Variants in PIGN observed in about 807,000 individuals in gnomAD.
The protein encoded by PIGN is GPI ethanolamine phosphate transferase 1.
In PIGN, 117 loss-of-function variants were observed where a neutral mutation model predicts 125.4. The observed-to-expected ratio is 0.93, with a 90% CI of 0.80 to 1.09. The LOEUF is 1.09. PIGN is among the 50% of genes least tolerant of loss of function. PIGN has a pLI of 0.00. For missense variants in PIGN, 1,075 were observed against 1,094.9 expected (o/e 0.98, Z 0.26); for synonymous variants, 392 against 377.8 (o/e 1.04, Z -0.44).
intron 23 of PIGN, among the ~76,000 whole-genome samples, chr18:62,029,940 C>T (rs957916043): frequency 6.6e-6 from 1 of 152,144 alleles, no homozygotes; most frequent in Admixed American, 6.5e-5. Flanking sequence ...AGCCTCTCGC[C>T]ACACAAGCTC....
intron 23 of PIGN, among the ~76,000 whole-genome samples, chr18:62,021,044 C>G (rs474214): frequency 6.6e-6 from 1 of 151,478 alleles, no homozygotes; most frequent in African/African-American, 2.4e-5. Flanking sequence ...CATATTCTTT[C>G]GGGGTGAATA....
At chr18:62,070,824 T>C (rs1324221492) in intron 30 of PIGN, among the ~76,000 whole-genome samples, 2 of 152,090 alleles carry the variant, frequency 1.3e-5, no homozygotes, top group East Asian at 1.9e-4. Flanking sequence ...TTTTTTTTGA[T>C]ATGGGATATC....
At chr18:62,038,077 A>G (rs986904916), downstream of PIGN, among the ~76,000 whole-genome samples, 7 of 152,206 alleles carry the variant, frequency 4.6e-5, no homozygotes, top group East Asian at 1.2e-3. Context: ...TTTTTACTAC[A>G]TAATACCAAA....
chr18:62,102,408 A>T (rs1256817136), intron 21 of PIGN, among the ~76,000 whole-genome samples: 4 of 150,596 alleles, frequency 2.7e-5, no homozygotes, highest in African/African-American at 9.8e-5. Context: ...TGGGACATTA[A>T]CTGAAGTCTT....
intron 23 of PIGN, among the ~76,000 whole-genome samples, chr18:62,093,997 T>C (rs2034074999): frequency 6.6e-6 from 1 of 152,138 alleles, no homozygotes; most frequent in Admixed American, 6.6e-5. Flanking sequence ...AACAAGGTTA[T>C]ATAGTGCCTT....
chr18:62,157,956 A>C, intron 4 of PIGN, 148 bp from the exon 5 acceptor site: 1 of 674,328 alleles, frequency 1.5e-6, no homozygotes, highest in Non-Finnish European at 2.4e-6. Flanking sequence ...TTCAAATTCC[A>C]GGTGAGCCCA....
At chr18:62,072,473 A>G in intron 30 of PIGN, 200 bp downstream of exon 30, 1 of 423,334 alleles carries the variant, frequency 2.4e-6, no homozygotes, top group South Asian at 7.1e-5. Flanking sequence ...TGCCTACAGT[A>G]TTCAGTATGA....
rs1568128534 is a variant in PIGN, at chr18:62,060,424, C to CT, written c.2672+12248_2672+12249insA. 1.5e-4 allele frequency among the ~76,000 whole-genome samples: 23 copies of CT among 152,088 alleles called. 1 individual carries two copies. The highest frequency in any genetic ancestry group is 4.8e-4 in the African/African-American group (20 of 41,468). The stretch of plus-strand genomic sequence containing the variant: ...ATTTCTCCTCTATAAGGGTGATGGG[C>CT]GATAGAAGCAGGTCATACCTGTTCA... On this transcript the variant is annotated intron_variant, in intron 30 of 30. Transcript: ENST00000640252.
chr18:62,174,792 T>C (rs964131746), intron 1 of PIGN, among the ~76,000 whole-genome samples: 1 of 151,616 alleles, frequency 6.6e-6, no homozygotes, highest in African/African-American at 2.4e-5. Context: ...AAAACATACA[T>C]AGCAACTAGC....
chr18:62,163,952 C>T lies in PIGN; in HGVS notation c.-235-296G>A, dbSNP rs149693726. On this transcript the variant is annotated intron_variant, in intron 1 of 30. Coordinates refer to ENST00000640252, the MANE Select transcript of PIGN (RefSeq NM_176787.5). ...ACAGTATTTATTCTTTTTTGATTAG[C>T]TTATTTTACTTAGCATAATGTCCTC... Among the ~76,000 whole-genome samples the T allele has an allele frequency of 2.0e-4, 30 of 152,222 alleles. 1 individual carries two copies. Among genetic ancestry groups the T allele is most frequent in the African/African-American group, 5.8e-4 (24 of 41,544 alleles).
At chr18:62,093,119 A>T (rs1275189665) in intron 23 of PIGN, among the ~76,000 whole-genome samples, 3 of 152,120 alleles carry the variant, frequency 2.0e-5, no homozygotes, top group Non-Finnish European at 4.4e-5. Flanking sequence ...TGATTAATTG[A>T]ATTAAGGTGC....
Position 62,132,946 on chromosome 18 carries a change from G to A in PIGN, c.1172+5297C>T, listed in dbSNP as rs180704173. Among the ~76,000 whole-genome samples the A allele has an allele frequency of 2.0e-4, 30 of 152,240 alleles. 1 individual carries two copies. The highest frequency in any genetic ancestry group is 5.8e-4 in the African/African-American group (24 of 41,554). The stretch of plus-strand genomic sequence containing the variant: ...CAGTCAAAACCAAATCCCATATACA[G>A]ATTGTCCCAAACTTATGAGAGTTTG... On this transcript the variant is annotated intron_variant, in intron 14 of 30. Coordinates refer to ENST00000640252, the MANE Select transcript of PIGN (RefSeq NM_176787.5).
chr18:62,053,419 T>C (rs2031473995), intron 30 of PIGN, among the ~76,000 whole-genome samples: 1 of 151,762 alleles, frequency 6.6e-6, no homozygotes, highest in Non-Finnish European at 1.5e-5. Context: ...AACAAAAAAA[T>C]AAAATGGCAG....
intron 23 of PIGN, among the ~76,000 whole-genome samples, chr18:62,030,913 G>A (rs754794139): frequency 6.6e-6 from 1 of 152,228 alleles, no homozygotes; most frequent in Non-Finnish European, 1.5e-5. Context: ...TCGAGGCTGA[G>A]GTGGGAGGAT....
At chr18:62,086,216 GACA>G (rs898728479) in intron 25 of PIGN, among the ~76,000 whole-genome samples, 14 of 152,334 alleles carry the variant, frequency 9.2e-5, no homozygotes, top group African/African-American at 3.4e-4. Flanking sequence ...AGAAAAAAAT[GACA>G]ACGCCAAGAA....
intron 14 of PIGN, among the ~76,000 whole-genome samples, chr18:62,129,529 GC>G: frequency 6.6e-6 from 1 of 152,212 alleles, no homozygotes; most frequent in Non-Finnish European, 1.5e-5. Context: ...CTATAAATTT[GC>G]ATCCCTCATC....
chr18:62,133,026 T>C (rs1390719830), intron 14 of PIGN, among the ~76,000 whole-genome samples: 1 of 152,200 alleles, frequency 6.6e-6, no homozygotes, highest in Non-Finnish European at 1.5e-5. Context: ...GAAAGCATAC[T>C]TTGAGTACCC....
At chr18:62,034,485 T>C (rs1388443223) in intron 23 of PIGN, among the ~76,000 whole-genome samples, 1 of 152,158 alleles carries the variant, frequency 6.6e-6, no homozygotes, top group East Asian at 1.9e-4. Context: ...TGCCAGCCCA[T>C]GAAAGCAGAC....
intron 1 of PIGN, among the ~76,000 whole-genome samples, chr18:62,185,412 C>T (rs950066781): frequency 6.6e-6 from 1 of 151,146 alleles, no homozygotes; most frequent in Non-Finnish European, 1.5e-5. Flanking sequence ...ATTCTTGGTA[C>T]TTTTTTTTTA....
Sources: gnomAD v4.1 joint callset for allele counts (sites outside exome capture counted in the v4.1 genomes callset) on GRCh38, gnomAD v4.1.1 for gene constraint, MANE v1.5 for transcripts, NCBI Gene and HGNC (gene_info 2026-07-23, HGNC 2026-07-21) for gene names.